NIPSNAP2: variants seen among roughly 807,000 people sequenced by gnomAD.
NIPSNAP2 encodes nipsnap homolog 2.
Under a neutral mutation model 48.4 loss-of-function variants are expected in NIPSNAP2, and 42 were observed. The observed-to-expected ratio is 0.87, with a 90% CI of 0.68 to 1.12. The LOEUF (loss-of-function observed/expected upper bound fraction) is 1.12. Ranked by LOEUF, NIPSNAP2 falls within the 50% of genes most tolerant of loss-of-function variation. NIPSNAP2 has a pLI of 0.00. For synonymous variants in NIPSNAP2, 158 were observed against 126.6 expected (o/e 1.25, Z -1.67); for missense variants, 314 against 347.3 (o/e 0.90, Z 0.76).
At position 55,965,422 on chromosome 7, in the gene NIPSNAP2, A is replaced by G. The variant is rs1444027836; in HGVS notation, c.92+721A>G. Among the ~76,000 whole-genome samples, 8 of 151,878 alleles carry G rather than the reference A, an allele frequency of 5.3e-5. 1 individual carries two copies. Among genetic ancestry groups the G allele is most frequent in the Non-Finnish European group, 4.4e-5 (3 of 67,986 alleles). ...TTGATATTTGCATGTGCTGTTTTCC[A>G]CATTCAAACAGCAAAGCCTATCCTG... On this transcript the variant is annotated intron_variant, in intron 1 of 9. Coordinates refer to ENST00000322090, the MANE Select transcript of NIPSNAP2 (RefSeq NM_001483.3).
At chr7:55,966,173 C>G (rs1417074977) in intron 1 of NIPSNAP2, among the ~76,000 whole-genome samples, 2 of 152,160 alleles carry the variant, frequency 1.3e-5, no homozygotes, top group Admixed American at 6.5e-5. Context: ...AGTGGAAACG[C>G]AAACAGACAG....
rs202058303 is a variant in NIPSNAP2, at chr7:55,995,948, A to G, written c.712+960A>G. 3.6e-3 allele frequency among the ~76,000 whole-genome samples: 542 copies of G among 152,252 alleles called. 5 individuals are homozygous for G. Among genetic ancestry groups the G allele is most frequent in the East Asian group, 0.02 (101 of 5,168 alleles). On this transcript the variant is annotated intron_variant, in intron 8 of 9. Coordinates refer to ENST00000322090, the MANE Select transcript of NIPSNAP2 (RefSeq NM_001483.3). ...AGCTATGACTGTGCCACTGCACTCC[A>G]GTCTGGGCAAATAGAGCAAGACCCT... is the stretch of plus-strand genomic sequence containing the variant.
intron 7 of NIPSNAP2, among the ~76,000 whole-genome samples, chr7:55,989,844 C>T (rs1344900297): frequency 2.0e-5 from 3 of 151,672 alleles, no homozygotes; most frequent in Admixed American, 6.6e-5. Context: ...TGGTGGCTCA[C>T]GCCTGTAATC....
At chr7:55,985,568 A>G (rs1787311415) in intron 7 of NIPSNAP2, among the ~76,000 whole-genome samples, 1 of 151,194 alleles carries the variant, frequency 6.6e-6, no homozygotes, top group Admixed American at 6.6e-5. Flanking sequence ...AAGACCCCCA[A>G]CCTCTACCAA....
At chr7:55,968,408 C>CA (rs1264935503) in intron 1 of NIPSNAP2, among the ~76,000 whole-genome samples, 1 of 145,098 alleles carries the variant, frequency 6.9e-6, no homozygotes, top group East Asian at 2.0e-4. Context: ...TTTCCTGAGA[C>CA]AGAGTCTCGC....
chr7:55,968,367 T>C (rs1010189841), intron 1 of NIPSNAP2, among the ~76,000 whole-genome samples: 6 of 151,942 alleles, frequency 3.9e-5, no homozygotes, highest in Admixed American at 1.3e-4. Flanking sequence ...AGTATCATTA[T>C]GTCCAAACTC....
intron 7 of NIPSNAP2, among the ~76,000 whole-genome samples, chr7:55,989,397 G>T (rs1787397564): frequency 6.6e-6 from 1 of 152,158 alleles, no homozygotes; most frequent in South Asian, 2.1e-4. Flanking sequence ...GGCTGAGGTG[G>T]GAGGATCCCT....
At chr7:55,977,256 TG>T (rs1249149003) in intron 1 of NIPSNAP2, among the ~76,000 whole-genome samples, 4 of 151,908 alleles carry the variant, frequency 2.6e-5, no homozygotes, top group Non-Finnish European at 1.5e-5. Context: ...CTGGGTGTGG[TG>T]GTGTGTGTCT....
At chr7:55,967,139 G>A (rs1786912022) in intron 1 of NIPSNAP2, among the ~76,000 whole-genome samples, 1 of 152,262 alleles carries the variant, frequency 6.6e-6, no homozygotes, top group Non-Finnish European at 1.5e-5. Context: ...CCTGGACATT[G>A]CATAAGTGTC....
chr7:55,978,083 T>A, intron 1 of NIPSNAP2, 43 bp from the exon 2 acceptor site: 1 of 1,606,238 alleles, frequency 6.2e-7, no homozygotes, highest in East Asian at 2.2e-5. Flanking sequence ...GATGGATATA[T>A]GAAAACAGTA....
Position 55,994,899 on chromosome 7 carries a change from G to A in NIPSNAP2, c.623G>A (p.Arg208His), listed in dbSNP as rs747839920. ...TMIEWGNYWA[R>H]AIRFRQDGNE... Reference sequence around the variant, plus strand: ...ACATCATCTCATTCTTACAGGGCTCGTGCAATCCGCTTCAGACAGGATGGT... The same window carrying A: ...ACATCATCTCATTCTTACAGGGCTCATGCAATCCGCTTCAGACAGGATGGT... The change falls in exon 8 of 10, where the codon CGT becomes CAT. Residue 208 changes from arginine (R) to histidine (H), a missense_variant. By Grantham distance (29) the Arg-to-His change is conservative (BLOSUM62 0). Transcript: ENST00000322090. The A allele has an allele frequency of 3.7e-6, 6 of 1,613,838 alleles. No homozygotes were observed. Among genetic ancestry groups the A allele is most frequent in the South Asian group, 2.2e-5 (2 of 91,076 alleles).
rs142371192 is a variant in NIPSNAP2 at position 55,984,641 on chromosome 7, C to T, written c.586-206C>T. Among the ~76,000 whole-genome samples the T allele has an allele frequency of 8.6e-3, 1,307 of 151,250 alleles. 21 individuals carry two copies. Among genetic ancestry groups the T allele is most frequent in the African/African-American group, 0.03 (1,248 of 41,186 alleles). ...GGCTGAGGCAGGAGAATTGCTTGAA[C>T]CCAGGAGGCGGAGGTTTCAGGAGCT... On this transcript the variant is annotated intron_variant, in intron 6 of 9. Coordinates refer to ENST00000322090, the MANE Select transcript of NIPSNAP2 (RefSeq NM_001483.3).
intron 5 of NIPSNAP2, among the ~76,000 whole-genome samples, chr7:55,983,005 CCCAGCCACTCGG>C (rs1192648907): frequency 2.0e-5 from 3 of 152,110 alleles, no homozygotes; most frequent in African/African-American, 7.2e-5. Context: ...CAACTGTAAT[CCCAGCCACTCGG>C]GAGGCTGAGG....
chr7:55,978,042 A>G, intron 1 of NIPSNAP2, 84 bp from the exon 2 acceptor site: 3 of 1,497,474 alleles, frequency 2.0e-6, no homozygotes, highest in Non-Finnish European at 9.1e-7. Context: ...GGTGCCTAGA[A>G]TAGCTGCTCA....
chr7:55,997,763 A>T (rs1354020605), intron 9 of NIPSNAP2, among the ~76,000 whole-genome samples: 1 of 152,028 alleles, frequency 6.6e-6, no homozygotes, highest in Non-Finnish European at 1.5e-5. Flanking sequence ...CACAAATAAA[A>T]TTTTTTTCTA....
intron 7 of NIPSNAP2, among the ~76,000 whole-genome samples, chr7:55,990,791 C>CTT (rs398004849): frequency 2.2e-5 from 3 of 136,686 alleles, no homozygotes; most frequent in African/African-American, 5.4e-5. Context: ...TTTTCTTTTT[C>CTT]TTTTTTTTTT....
chr7:55,989,354 A>G (rs554017149), intron 7 of NIPSNAP2, among the ~76,000 whole-genome samples: 50 of 152,304 alleles, frequency 3.3e-4, no homozygotes, highest in African/African-American at 1.2e-3. Context: ...GCCGGGTGCT[A>G]TGGCTCACAC....
chr7:55,995,335 C>T (rs1227191001), intron 8 of NIPSNAP2, among the ~76,000 whole-genome samples: 1 of 152,198 alleles, frequency 6.6e-6, no homozygotes, highest in African/African-American at 2.4e-5. Flanking sequence ...CAGAGGCAGG[C>T]CTGCATTTTA....
chr7:55,973,257 C>T (rs927245293), intron 1 of NIPSNAP2, among the ~76,000 whole-genome samples: 5 of 152,056 alleles, frequency 3.3e-5, no homozygotes, highest in African/African-American at 1.2e-4. Context: ...ATATAGTAAA[C>T]ACAAATTGGA....
Sources: gnomAD v4.1 joint callset for allele counts (sites outside exome capture counted in the v4.1 genomes callset) on GRCh38, gnomAD v4.1.1 for gene constraint, MANE v1.5 for transcripts, NCBI Gene and HGNC (gene_info 2026-07-23, HGNC 2026-07-21) for gene names.